The following FAAH2 variants were observed in gnomAD, a reference collection of about 807,000 sequenced individuals.
The protein encoded by FAAH2 is fatty-acid amide hydrolase 2.
In FAAH2, 60 loss-of-function variants were observed where a neutral mutation model predicts 36.9. The ratio of observed to expected loss-of-function variants is 1.63; its 90% CI spans 1.32 to 2.02. The LOEUF is 2.02. FAAH2 is among the 30% of genes most tolerant of loss of function. FAAH2 has a pLI of 0.00. For synonymous variants in FAAH2, 214 were observed against 143.8 expected (o/e 1.49, Z -3.49); for missense variants, 689 against 397.5 (o/e 1.73, Z -6.23).
the FAAH2 span, among the ~76,000 whole-genome samples, chrX:57,213,547 A>G: frequency 8.9e-6 from 1 of 111,789 alleles, no homozygotes; most frequent in African/African-American, 3.2e-5. Flanking sequence ...CATTCATTTC[A>G]AAAAATTTTT....
At chrX:57,413,584 GT>G (rs1436308165) in intron 7 of FAAH2, among the ~76,000 whole-genome samples, 1 of 111,750 alleles carries the variant, frequency 8.9e-6, no homozygotes, top group Non-Finnish European at 1.9e-5. Flanking sequence ...CTATATGTCT[GT>G]TTTGGTACCA....
chrX:57,293,968 A>T (rs1339324732), intron 2 of FAAH2, among the ~76,000 whole-genome samples: 1 of 111,799 alleles, frequency 8.9e-6, no homozygotes, highest in Non-Finnish European at 1.9e-5. Flanking sequence ...AAATAATTTT[A>T]TGAAGTTCAT....
chrX:57,463,862 A>C (rs974217749), intron 10 of FAAH2, among the ~76,000 whole-genome samples: 1 of 111,894 alleles, frequency 8.9e-6, no homozygotes, highest in African/African-American at 3.3e-5. Flanking sequence ...TCAAGGATCT[A>C]GAACAAGAAA....
chrX:57,301,617 A>G (rs1288463533), intron 2 of FAAH2, among the ~76,000 whole-genome samples: 3 of 5,379 alleles, frequency 5.6e-4, no homozygotes, highest in South Asian at 0.14. Flanking sequence ...TATAATAATA[A>G]TAATAATAAT....
At chrX:57,482,381 T>A (rs764897039) in intron 10 of FAAH2, among the ~76,000 whole-genome samples, 3 of 111,574 alleles carry the variant, frequency 2.7e-5, no homozygotes, top group Non-Finnish European at 5.7e-5. Context: ...GCCCCGGTGG[T>A]GTAGGTACAC....
At chrX:57,207,708 G>T in the FAAH2 span, among the ~76,000 whole-genome samples, 1 of 112,260 alleles carries the variant, frequency 8.9e-6, no homozygotes, top group Non-Finnish European at 1.9e-5. Context: ...GTTTGTACTT[G>T]CACCCCTTTT....
chrX:57,204,081 T>G, the FAAH2 span, among the ~76,000 whole-genome samples: 1 of 110,937 alleles, frequency 9.0e-6, no homozygotes, highest in Non-Finnish European at 1.9e-5. Flanking sequence ...GAGGTGCAAT[T>G]CAAGCTAAAC....
the FAAH2 span, among the ~76,000 whole-genome samples, chrX:57,273,792 C>T: frequency 9.0e-6 from 1 of 111,689 alleles, no homozygotes; most frequent in African/African-American, 3.3e-5. Flanking sequence ...GCACTAAATG[C>T]ACACAAGAGA....
chrX:57,477,734 G>T (rs182915406), intron 10 of FAAH2, among the ~76,000 whole-genome samples: 1 of 107,114 alleles, frequency 9.3e-6, no homozygotes, highest in African/African-American at 3.4e-5. Context: ...GTGAGAACAT[G>T]CAGGGTTTGG....
the FAAH2 span, among the ~76,000 whole-genome samples, chrX:57,203,781 T>G: frequency 8.9e-6 from 1 of 112,281 alleles, no homozygotes; most frequent in African/African-American, 3.2e-5. Context: ...CCTGGGATGT[T>G]TAAATATTTG....
chrX:57,428,282 T>C (rs2056210383), intron 7 of FAAH2, among the ~76,000 whole-genome samples: 1 of 111,965 alleles, frequency 8.9e-6, no homozygotes, highest in Non-Finnish European at 1.9e-5. Flanking sequence ...TGCTCTTGAA[T>C]AAGAGGAATG....
chrX:57,448,572 A>G lies in FAAH2; in HGVS notation c.1277A>G (p.Gln426Arg), dbSNP rs773558239. The G allele has an allele frequency of 8.3e-6, 10 of 1,211,593 alleles. No individual in the cohort carries two copies. The South Asian group carries it at 1.6e-4, about 19-fold the overall frequency. ...EKLRYSNEKY[Q>R]KFKAVEESLR... The stretch of plus-strand genomic sequence containing the variant: ...CTCAGATATAGCAATGAGAAATACC[A>G]AAAGTTTAAGGCAGTGGAAGAAAGC... Residue 426 changes from glutamine (Q) to arginine (R), a missense_variant, in exon 10 of 11, where the codon CAA becomes CGA. By Grantham distance (43) the Gln-to-Arg change is conservative (BLOSUM62 1). Coordinates refer to ENST00000374900, the MANE Select transcript of FAAH2 (RefSeq NM_174912.4).
rs145132409 is a variant in FAAH2, at chrX:57,328,194, C to T, written c.413-3404C>T. On this transcript the variant is annotated intron_variant, in intron 3 of 10. Transcript: ENST00000374900. ...CAAATGTTGCTGCCTGATCGTTCCT[C>T]CGGAAGTTTTGTCTCAGAGGAGTAC... is the stretch of plus-strand genomic sequence containing the variant. Among the ~76,000 whole-genome samples, 458 of 111,407 alleles carry T rather than the reference C, an allele frequency of 4.1e-3. 3 individuals are homozygous for T. Among genetic ancestry groups the T allele is most frequent in the African/African-American group, 0.014 (440 of 30,665 alleles).
chrX:57,444,581 C>T (rs1170267262), intron 8 of FAAH2, among the ~76,000 whole-genome samples: 4 of 111,501 alleles, frequency 3.6e-5, no homozygotes, highest in African/African-American at 9.8e-5. Context: ...CCCCACCCTG[C>T]TCTGTGGGCT....
chrX:57,460,681 T>TA (rs2056942667), intron 10 of FAAH2, among the ~76,000 whole-genome samples: 1 of 111,785 alleles, frequency 8.9e-6, no homozygotes, highest in Non-Finnish European at 1.9e-5. Flanking sequence ...AAACTGGTAC[T>TA]AGCCACTGCA....
chrX:57,161,922 T>A, the FAAH2 span, among the ~76,000 whole-genome samples: 35 of 111,920 alleles, frequency 3.1e-4, no homozygotes, highest in Non-Finnish European at 5.4e-4. Flanking sequence ...GCTGGTTATT[T>A]TGCTCATTAG....
At chrX:57,264,059 C>A in the FAAH2 span, among the ~76,000 whole-genome samples, 1 of 111,822 alleles carries the variant, frequency 8.9e-6, no homozygotes, top group Non-Finnish European at 1.9e-5. Flanking sequence ...ACATAAACCC[C>A]ACTCCTAGAA....
the FAAH2 span, chrX:57,229,336 A>T: frequency 1.8e-5 from 2 of 111,759 alleles, no homozygotes; most frequent in Middle Eastern, 9.2e-3. Context: ...GGACGGCATC[A>T]TTCCCTTCCC....
intron 5 of FAAH2, among the ~76,000 whole-genome samples, chrX:57,342,184 A>G (rs894142541): frequency 1.1e-4 from 12 of 111,991 alleles, no homozygotes; most frequent in African/African-American, 3.9e-4. Flanking sequence ...AATGCTATGT[A>G]GCCATGAAAA....
Sources: allele counts gnomAD v4.1 joint callset (sites outside exome capture counted in the v4.1 genomes callset), GRCh38; gene constraint gnomAD v4.1.1; transcripts MANE v1.5; gene names NCBI Gene and HGNC (gene_info 2026-07-23, HGNC 2026-07-21).